ROBO1: variants seen among roughly 807,000 people sequenced by gnomAD.
The protein encoded by ROBO1 is roundabout homolog 1.
In ROBO1, 149 loss-of-function variants were observed where a neutral mutation model predicts 195.9. That is an observed-to-expected ratio of 0.76 (90% CI 0.67 to 0.87). The LOEUF (loss-of-function observed/expected upper bound fraction) is 0.87, where lower values mean the gene tolerates loss of function less well. ROBO1 is among the 40% of genes least tolerant of loss of function. The pLI is 0.00. For synonymous variants in ROBO1, 816 were observed against 733.2 expected (o/e 1.11, Z -1.82); for missense variants, 1,933 against 2,068.3 (o/e 0.93, Z 1.27).
At chr3:79,442,063 G>A (rs766100210) in intron 2 of ROBO1, among the ~76,000 whole-genome samples, 5 of 152,032 alleles carry the variant, frequency 3.3e-5, no homozygotes, top group African/African-American at 9.6e-5. Flanking sequence ...ATAATCTCTC[G>A]GCTCCTCAAT....
intron 2 of ROBO1, among the ~76,000 whole-genome samples, chr3:79,461,396 C>T (rs1337769779): frequency 6.6e-6 from 1 of 152,086 alleles, no homozygotes; most frequent in East Asian, 1.9e-4. Flanking sequence ...TGACTGACAA[C>T]TCTGCTGAGG....
At position 79,242,930 on chromosome 3, in the gene ROBO1, T is replaced by C. The variant is rs868793850; in HGVS notation, c.89-117391A>G. On this transcript the variant is annotated intron_variant, in intron 2 of 30. Coordinates refer to ENST00000464233, the MANE Select transcript of ROBO1 (RefSeq NM_002941.4). ...ATGTGCCATGTTGGTGTGCTGCACC[T>C]ATTAACTCATCATTTAACATTAGGT... Among the ~76,000 whole-genome samples, 14 of 151,836 alleles carry C rather than the reference T, an allele frequency of 9.2e-5. No homozygotes were observed. The South Asian group carries it at 1.3e-3, about 14-fold the overall frequency.
intron 2 of ROBO1, among the ~76,000 whole-genome samples, chr3:79,512,453 T>G (rs551901346): frequency 3.3e-5 from 5 of 152,308 alleles, no homozygotes; most frequent in African/African-American, 9.6e-5. Context: ...ACTAATTTGG[T>G]TCTCCCAAAC....
At chr3:79,115,063 G>A (rs920428767) in intron 3 of ROBO1, among the ~76,000 whole-genome samples, 1 of 152,098 alleles carries the variant, frequency 6.6e-6, no homozygotes, top group African/African-American at 2.4e-5. Context: ...CTTCTATCTT[G>A]TGACTTGGGT....
chr3:78,879,927 T>C (rs1416382517), intron 4 of ROBO1, among the ~76,000 whole-genome samples: 1 of 152,142 alleles, frequency 6.6e-6, no homozygotes, highest in South Asian at 2.1e-4. Flanking sequence ...ATACCAATAA[T>C]AGAAAAATTA....
chr3:79,723,874 A>G (rs1447977323), intron 1 of ROBO1, among the ~76,000 whole-genome samples: 1 of 152,198 alleles, frequency 6.6e-6, no homozygotes, highest in East Asian at 1.9e-4. Flanking sequence ...AAATTATTAT[A>G]TGAGAAATAT....
intron 3 of ROBO1, among the ~76,000 whole-genome samples, chr3:78,959,806 GTTTAAT>G (rs1469844324): frequency 1.4e-4 from 21 of 152,306 alleles, no homozygotes; most frequent in African/African-American, 5.1e-4. Context: ...AGCATCTGGT[GTTTAAT>G]ACACAGATAG....
chr3:79,230,705 A>T (rs184148986), intron 2 of ROBO1, among the ~76,000 whole-genome samples: 1 of 152,048 alleles, frequency 6.6e-6, no homozygotes, highest in African/African-American at 2.4e-5. Context: ...AGATTCAATG[A>T]TATTCCCATT....
At chr3:79,194,764 A>G (rs565031497) in intron 2 of ROBO1, among the ~76,000 whole-genome samples, 2 of 151,742 alleles carry the variant, frequency 1.3e-5, no homozygotes, top group Admixed American at 1.3e-4. Context: ...CTTTACAGGT[A>G]TGTAGGGGAC....
At chr3:78,699,115 G>A (rs142895327) in intron 8 of ROBO1, among the ~76,000 whole-genome samples, 3 of 152,168 alleles carry the variant, frequency 2.0e-5, no homozygotes, top group Non-Finnish European at 4.4e-5. Context: ...TGTTTATACT[G>A]TAACCATTTA....
At chr3:79,392,996 A>G (rs1045868622) in intron 2 of ROBO1, among the ~76,000 whole-genome samples, 2 of 151,924 alleles carry the variant, frequency 1.3e-5, no homozygotes, top group African/African-American at 4.8e-5. Context: ...AACATAATCC[A>G]CTCCACTCTT....
At chr3:78,811,738 G>T (rs566785893) in intron 4 of ROBO1, among the ~76,000 whole-genome samples, 2 of 152,100 alleles carry the variant, frequency 1.3e-5, no homozygotes, top group Admixed American at 6.6e-5. Context: ...TACTGTGTCC[G>T]ACATGCCAGA....
chr3:79,286,558 G>A (rs553876594), intron 2 of ROBO1, among the ~76,000 whole-genome samples: 10 of 152,106 alleles, frequency 6.6e-5, no homozygotes, highest in Admixed American at 3.3e-4. Flanking sequence ...AAACTACTTC[G>A]GTCCCCTATG....
intron 26 of ROBO1, 54 bp from the exon 27 acceptor site, chr3:78,618,095 A>G: frequency 6.6e-7 from 1 of 1,514,450 alleles, no homozygotes; most frequent in Non-Finnish European, 8.9e-7. Context: ...AAGACATAAA[A>G]GGACAAATTA....
chr3:78,958,259 T>C (rs534688741), intron 3 of ROBO1, among the ~76,000 whole-genome samples: 2 of 152,372 alleles, frequency 1.3e-5, no homozygotes, highest in Non-Finnish European at 2.9e-5. Flanking sequence ...GACTAGTAAC[T>C]GGTCTTTTCA....
At chr3:79,589,600 A>G (rs1443520243) in intron 2 of ROBO1, among the ~76,000 whole-genome samples, 3 of 151,710 alleles carry the variant, frequency 2.0e-5, no homozygotes, top group Non-Finnish European at 4.4e-5. Flanking sequence ...ACTTTTTCTC[A>G]ATGTTCTGAT....
At chr3:79,753,512 G>C (rs1162671433) in intron 1 of ROBO1, among the ~76,000 whole-genome samples, 2 of 152,168 alleles carry the variant, frequency 1.3e-5, no homozygotes, top group Non-Finnish European at 2.9e-5. Flanking sequence ...AAGAGTGTGT[G>C]CAAAAAATTA....
rs747396519 is a variant in ROBO1, at chr3:78,670,127, T to G, written c.1517A>C (p.Glu506Ala). Residue 506 changes from glutamate (E) to alanine (A), a missense_variant, in exon 11 of 31, where the codon GAG becomes GCG. This residue lies in a region of ROBO1 where 1,737 missense variants were observed against 1,882.5 expected (regional missense o/e 0.92). Coordinates refer to ENST00000464233, the MANE Select transcript of ROBO1 (RefSeq NM_002941.4). ...ATATCGGATCTGCAGTACTCCATTCTCCAACTGTTTGATTCGAGAGTCTTG... is the reference window on the plus strand; with the variant it reads ...ATATCGGATCTGCAGTACTCCATTCGCCAACTGTTTGATTCGAGAGTCTTG... The part of the protein sequence containing the change: ...STQDSRIKQL[E>A]NGVLQIRYAK... The G allele has an allele frequency of 6.2e-7, 1 of 1,613,558 alleles. No individual in the cohort carries two copies. The highest frequency in any genetic ancestry group is 8.5e-7 in the Non-Finnish European group (1 of 1,179,700).
chr3:79,044,199 A>T (rs1409320623), intron 3 of ROBO1, among the ~76,000 whole-genome samples: 1 of 151,878 alleles, frequency 6.6e-6, no homozygotes, highest in Non-Finnish European at 1.5e-5. Flanking sequence ...GTTAGCCTGC[A>T]GTTAAAGCCA....
Sources: gnomAD v4.1 joint callset for allele counts (sites outside exome capture counted in the v4.1 genomes callset) on GRCh38, gnomAD v4.1.1 for gene constraint, gnomAD v4.1.1 regional missense constraint, MANE v1.5 for transcripts, NCBI Gene and HGNC (gene_info 2026-07-23, HGNC 2026-07-21) for gene names.